Variants in IMMT observed in about 807,000 individuals in gnomAD.
The protein encoded by IMMT is MICOS complex subunit MIC60.
IMMT carries 40 observed loss-of-function variants against 92.7 expected under a neutral mutation model. The observed-to-expected ratio is 0.43, with a 90% CI of 0.34 to 0.56. The LOEUF (loss-of-function observed/expected upper bound fraction) is 0.56. IMMT is among the 20% of genes least tolerant of loss of function. The pLI, the probability that IMMT is intolerant of heterozygous loss-of-function variation, is 0.03. For missense variants in IMMT, 831 were observed against 912.1 expected (o/e 0.91, Z 1.14); for synonymous variants, 322 against 336.1 (o/e 0.96, Z 0.46).
intron 2 of IMMT, 120 bp downstream of exon 2, chr2:86,181,179 C>T (rs1360730132): frequency 2.0e-5 from 13 of 649,128 alleles, no homozygotes; most frequent in East Asian, 1.4e-4. Context: ...AGCAAAGCTT[C>T]GGTGTATGTA....
chr2:86,164,784 G>T (rs1294051411), intron 7 of IMMT, among the ~76,000 whole-genome samples: 1 of 151,888 alleles, frequency 6.6e-6, no homozygotes, highest in African/African-American at 2.4e-5. Context: ...CATATCTGGG[G>T]GCCAAAATTT....
At chr2:86,154,898 C>T (rs1023482526) in intron 10 of IMMT, among the ~76,000 whole-genome samples, 12 of 151,760 alleles carry the variant, frequency 7.9e-5, no homozygotes, top group African/African-American at 2.2e-4. Flanking sequence ...CGGAGTCTCC[C>T]GTTGCCCAGG....
chr2:86,167,477 GTTTTTTGT>G (rs1676785264), intron 6 of IMMT, among the ~76,000 whole-genome samples: 2 of 39,564 alleles, frequency 5.1e-5, no homozygotes, highest in African/African-American at 7.6e-5. Context: ...CCGGTTTTTT[GTTTTTTGT>G]TTTTTTTTTT....
At chr2:86,165,809 G>C (rs572892104) in intron 7 of IMMT, among the ~76,000 whole-genome samples, 2 of 152,228 alleles carry the variant, frequency 1.3e-5, no homozygotes, top group South Asian at 2.1e-4. Context: ...AGAGCTCTCT[G>C]TATTATTTCT....
Position 86,144,238 on chromosome 2 carries a change from A to G in IMMT, c.*30T>C, listed in dbSNP as rs373231227. On this transcript the variant is annotated 3_prime_UTR_variant, in exon 15 of 15. Coordinates refer to ENST00000410111, the MANE Select transcript of IMMT (RefSeq NM_006839.3). Reference sequence around the variant, plus strand: ...TCACTGCTGATTTCCTTTGACATGAAATATGACTTTATGAAAATCTTCCTA... The same window carrying G: ...TCACTGCTGATTTCCTTTGACATGAGATATGACTTTATGAAAATCTTCCTA... The G allele has an allele frequency of 5.6e-6, 9 of 1,609,978 alleles. No homozygotes were observed. In the African/African-American group the frequency reaches 1.2e-4, roughly 22 times the overall value.
At chr2:86,187,091 C>T (rs367580848) in intron 1 of IMMT, among the ~76,000 whole-genome samples, 15 of 152,150 alleles carry the variant, frequency 9.9e-5, no homozygotes, top group East Asian at 5.8e-4. Flanking sequence ...TTAAAATGTA[C>T]AATTCCACGG....
At chr2:86,148,037 T>G (rs1405074958) in intron 12 of IMMT, among the ~76,000 whole-genome samples, 1 of 152,170 alleles carries the variant, frequency 6.6e-6, no homozygotes, top group South Asian at 2.1e-4. Flanking sequence ...CACACAGCTG[T>G]GGCAAAAACC....
intron 2 of IMMT, among the ~76,000 whole-genome samples, chr2:86,180,614 T>C (rs1672371199): frequency 6.6e-6 from 1 of 151,374 alleles, no homozygotes; most frequent in Admixed American, 6.6e-5. Context: ...CAGCCAGCCA[T>C]GGTGGCTCAC....
intron 1 of IMMT, chr2:86,195,090 A>G: frequency 2.3e-6 from 1 of 434,466 alleles, no homozygotes. Context: ...TGATTGGACT[A>G]CATGCCCACG....
intron 1 of IMMT, among the ~76,000 whole-genome samples, chr2:86,194,617 A>G (rs1673400888): frequency 1.3e-5 from 2 of 152,184 alleles, no homozygotes; most frequent in African/African-American, 2.4e-5. Context: ...TCAATTTTAG[A>G]AAGTAACTTT....
intron 12 of IMMT, among the ~76,000 whole-genome samples, 198 bp from the exon 13 acceptor site, chr2:86,148,031 C>T (rs1490218564): frequency 1.3e-5 from 2 of 152,198 alleles, no homozygotes; most frequent in Non-Finnish European, 2.9e-5. Flanking sequence ...CAAGATCACA[C>T]AGCTGTGGCA....
intron 13 of IMMT, 57 bp downstream of exon 13, chr2:86,147,645 G>A: frequency 2.0e-6 from 3 of 1,524,260 alleles, no homozygotes; most frequent in Non-Finnish European, 2.7e-6. Flanking sequence ...AAGGAAAGGA[G>A]AGTCTCTTAA....
intron 1 of IMMT, among the ~76,000 whole-genome samples, chr2:86,191,713 C>A (rs1673128984): frequency 7.2e-6 from 1 of 139,260 alleles, no homozygotes; most frequent in Non-Finnish European, 1.5e-5. Context: ...ACTATCCTGG[C>A]TAACACGGTG....
At chr2:86,166,897 A>G (rs911352605) in intron 6 of IMMT, among the ~76,000 whole-genome samples, 1 of 151,900 alleles carries the variant, frequency 6.6e-6, no homozygotes, top group Non-Finnish European at 1.5e-5. Flanking sequence ...CAGGAGTTTG[A>G]GACCAACCTG....
chr2:86,167,827 GTT>G (rs374407410), intron 6 of IMMT, among the ~76,000 whole-genome samples: 2 of 143,946 alleles, frequency 1.4e-5, no homozygotes, highest in African/African-American at 5.1e-5. Context: ...AATAAAAAGT[GTT>G]TTTTTTTTTC....
At chr2:86,181,449 A>C in intron 1 of IMMT, 77 bp from the exon 2 acceptor site, 1 of 931,268 alleles carries the variant, frequency 1.1e-6, no homozygotes, top group Non-Finnish European at 1.7e-6. Context: ...ATACAGAAAT[A>C]ATACTTTTAT....
At position 86,166,557 on chromosome 2, in the gene IMMT, G is replaced by A; in HGVS notation, c.743C>T (p.Ala248Val). ...AIAAQNAAVQ[A>V]VNAHSNILKA... ...CAATATGTTGGAGTGTGCATTGACA[G>A]CCTGGACCGCAGCATTCTGAGCTGC... is the stretch of plus-strand genomic sequence containing the variant. The change falls in exon 7 of 15, where the codon GCT becomes GTT. Residue 248 changes from alanine to valine, a missense_variant. Physicochemically the swap from Ala to Val is moderately conservative, Grantham distance 64. Transcript: ENST00000410111. 6.2e-7 allele frequency: 1 copy of A among 1,613,174 alleles called. No homozygotes were observed. Among genetic ancestry groups the A allele is most frequent in the Admixed American group, 1.7e-5 (1 of 59,996 alleles).
At chr2:86,179,980 G>C (rs1672318655) in intron 2 of IMMT, among the ~76,000 whole-genome samples, 1 of 152,062 alleles carries the variant, frequency 6.6e-6, no homozygotes, top group East Asian at 1.9e-4. Flanking sequence ...AAGAGGCCGA[G>C]GTAGGAGGAA....
At chr2:86,150,146 A>C (rs996430128) in intron 12 of IMMT, among the ~76,000 whole-genome samples, 3 of 152,192 alleles carry the variant, frequency 2.0e-5, no homozygotes, top group African/African-American at 7.2e-5. Context: ...GAGAGAATAA[A>C]TAAATCTGTT....
Sources: gnomAD v4.1 joint callset for allele counts (sites outside exome capture counted in the v4.1 genomes callset) on GRCh38, gnomAD v4.1.1 for gene constraint, MANE v1.5 for transcripts, NCBI Gene and HGNC (gene_info 2026-07-23, HGNC 2026-07-21) for gene names.